Variants in LMO3 observed in about 807,000 individuals in gnomAD.
The protein encoded by LMO3 is LIM domain only protein 3.
A neutral mutation model predicts 15.8 loss-of-function variants in LMO3; 2 were observed. That is an observed-to-expected ratio of 0.13 (90% CI 0.05 to 0.40). The LOEUF (loss-of-function observed/expected upper bound fraction) is 0.40. Among genes scored for constraint, LMO3 ranks in the 10% least tolerant of loss-of-function variants. The pLI is 0.99. For missense variants in LMO3, 86 were observed against 182.2 expected, an observed-to-expected ratio of 0.47 and a Z score of 3.04; for synonymous variants, 62 against 63.8, an observed-to-expected ratio of 0.97 and a Z score of 0.13.
chr12:16,586,087 T>A lies in LMO3; in HGVS notation c.206+14568A>T, dbSNP rs1943310631. Among the ~76,000 whole-genome samples the A allele has an allele frequency of 6.6e-6, 1 of 152,016 alleles. No individual in the cohort carries two copies. The highest frequency in any genetic ancestry group is 2.4e-5 in the African/African-American group (1 of 41,404). ...ACCTTGATGTACAATTCCATAAAAA[T>A]TTTTGAGGGGCCAAAACAATAGGGG... On this transcript the variant is annotated intron_variant, in intron 2 of 3. Transcript: ENST00000537304. The surrounding 1 kb of genome is among the most constrained non-coding windows in gnomAD (Gnocchi z 4.3).
chr12:16,559,520 T>G lies in LMO3; in HGVS notation c.332+893A>C, dbSNP rs1311226393. ...CATATTAGAATTTAGGTTTCCAGGT[T>G]CCCTGTTCAACACTTTTTCAAATGC... On this transcript the variant is annotated intron_variant, in intron 3 of 3. Transcript: ENST00000537304. This position sits in a 1 kb window ranked among gnomAD's most constrained non-coding sequence, Gnocchi z 4.1. Among the ~76,000 whole-genome samples the G allele has an allele frequency of 6.6e-6, 1 of 152,200 alleles. No individual in the cohort carries two copies. The highest frequency in any genetic ancestry group is 6.5e-5 in the Admixed American group (1 of 15,276).
At chr12:16,553,779 A>T (rs12300297) in intron 3 of LMO3, among the ~76,000 whole-genome samples, 2,899 of 152,166 alleles carry the variant, frequency 0.019, 95 homozygotes, top group African/African-American at 0.066. Context: ...GTATGTATTT[A>T]ACAAATTAAT....
chr12:16,600,285 A>T (rs945820774), intron 2 of LMO3: 1 of 156,684 alleles, frequency 6.4e-6, no homozygotes, highest in Non-Finnish European at 1.3e-5. Flanking sequence ...ATTCCCCCTT[A>T]AGCTCCAAAA....
At chr12:16,594,249 A>G (rs1487968233) in intron 2 of LMO3, 1 of 1,529,434 alleles carries the variant, frequency 6.5e-7, no homozygotes, top group Non-Finnish European at 8.8e-7. Flanking sequence ...ATAGATCCAC[A>G]CCTCTTCAAA....
chr12:16,564,695 T>G (rs1942528529), intron 2 of LMO3, among the ~76,000 whole-genome samples: 2 of 152,196 alleles, frequency 1.3e-5, no homozygotes, highest in South Asian at 4.1e-4. Flanking sequence ...TTGAGGAAAA[T>G]GCACAAATAT....
In LMO3 at chr12:16,559,106, A is replaced by C. The variant is rs1463291176; in HGVS notation, c.332+1307T>G. Among the ~76,000 whole-genome samples, 2 of 152,196 alleles carry C rather than the reference A, an allele frequency of 1.3e-5. No homozygotes were observed. Among genetic ancestry groups the C allele is most frequent in the African/African-American group, 4.8e-5 (2 of 41,456 alleles). On this transcript the variant is annotated intron_variant, in intron 3 of 3. Coordinates refer to ENST00000537304, the MANE Select transcript of LMO3 (RefSeq NM_018640.5). The surrounding 1 kb of genome is among the most constrained non-coding windows in gnomAD (Gnocchi z 4.1). The stretch of plus-strand genomic sequence containing the variant: ...CAAATAGTACCTTTCAGAGTAAATT[A>C]CAATAACTGAGAACTTGATGCAACT...
chr12:16,599,861 T>C lies in LMO3; in HGVS notation c.206+794A>G, dbSNP rs191741840. 5.9e-5 allele frequency: 9 copies of C among 152,286 alleles called. No individual in the cohort carries two copies. Among genetic ancestry groups the C allele is most frequent in the African/African-American group, 2.2e-4 (9 of 41,568 alleles). 9.4% of individuals were successfully genotyped at this position (152,286 alleles called of 1,614,324 possible). ...TGAAAGCATTCAGATGTTTACAGGT[T>C]GGAGAGTGGCTGTCATTTTCCTATA... On this transcript the variant is annotated intron_variant, in intron 2 of 3. Coordinates refer to ENST00000537304, the MANE Select transcript of LMO3 (RefSeq NM_018640.5). This position sits in a 1 kb window ranked among gnomAD's most constrained non-coding sequence, Gnocchi z 4.1.
chr12:16,566,602 GAC>G (rs1565488848), intron 2 of LMO3, among the ~76,000 whole-genome samples: 1 of 151,840 alleles, frequency 6.6e-6, no homozygotes, highest in African/African-American at 2.4e-5. Context: ...TTAAAGAAAA[GAC>G]ATTTTCTATT....
chr12:16,592,508 C>T (rs1049770926), intron 2 of LMO3, among the ~76,000 whole-genome samples: 1 of 151,912 alleles, frequency 6.6e-6, no homozygotes, highest in African/African-American at 2.4e-5. Flanking sequence ...CTGTAAAATG[C>T]AAATAACCTG....
intron 2 of LMO3, among the ~76,000 whole-genome samples, chr12:16,569,252 C>A (rs563551724): frequency 1.3e-5 from 2 of 152,300 alleles, no homozygotes; most frequent in East Asian, 3.9e-4. Context: ...GCAAGAGAAC[C>A]TATATCCCTT....
In LMO3 at chr12:16,605,434, C is replaced by T. The variant is rs1943956859; in HGVS notation, c.-9+632G>A. 1.6e-5 allele frequency: 12 copies of T among 764,688 alleles called. 1 individual carries two copies. In the South Asian group the frequency reaches 6.9e-4, roughly 44 times the overall value. 47.4% of individuals were successfully genotyped at this position (764,688 alleles called of 1,614,324 possible). On this transcript the variant is annotated intron_variant, in intron 1 of 3. Coordinates refer to ENST00000537304, the MANE Select transcript of LMO3 (RefSeq NM_018640.5). ...TCTAGCCACTTCTGCCCCTACCCGC[C>T]TGCCCCCCCCCCCCGCCCCCATGCC...
chr12:16,588,600 T>C (rs976341539), intron 2 of LMO3, among the ~76,000 whole-genome samples: 3 of 152,044 alleles, frequency 2.0e-5, no homozygotes, highest in Non-Finnish European at 4.4e-5. Flanking sequence ...AGATCCAAAT[T>C]CATCCTAATT....
In LMO3 at chr12:16,587,331, T is replaced by C. The variant is rs1943350722; in HGVS notation, c.206+13324A>G. ...TGCAGTGTTACAGCTTTCTAAATGG[T>C]AAGTAACTGTTTAAAAATTCCAAAG... On this transcript the variant is annotated intron_variant, in intron 2 of 3. Transcript: ENST00000537304. The surrounding 1 kb of genome is among the most constrained non-coding windows in gnomAD (Gnocchi z 4.3). 6.6e-6 allele frequency among the ~76,000 whole-genome samples: 1 copy of C among 152,220 alleles called. No homozygotes were observed. The highest frequency in any genetic ancestry group is 2.4e-5 in the African/African-American group (1 of 41,462).
rs777365034 is a variant in LMO3 at position 16,560,658 on chromosome 12, C to G, written c.207-120G>C. ...AATACACAATGCTTTATGATGTACA[C>G]AAGTGGATTTTATCCTAGGTGTATG... On this transcript the variant is annotated intron_variant, in intron 2 of 3. Coordinates refer to ENST00000537304, the MANE Select transcript of LMO3 (RefSeq NM_018640.5). The surrounding 1 kb of genome is among the most constrained non-coding windows in gnomAD (Gnocchi z 5.0). The G allele has an allele frequency of 2.7e-5, 24 of 879,060 alleles. No individual in the cohort carries two copies. In the Middle Eastern group the frequency reaches 9.2e-4, roughly 34 times the overall value. The allele number at this position is 879,060 out of a possible 1,614,324, so 54.5% of individuals were successfully genotyped here. A position where few individuals can be genotyped will look rare whatever the true frequency, so the allele number is the denominator to read the frequency against.
rs995298835 is a variant in LMO3 at position 16,599,005 on chromosome 12, A to T, written c.206+1650T>A. 7.8e-6 allele frequency: 2 copies of T among 257,474 alleles called. No individual in the cohort carries two copies. The highest frequency in any genetic ancestry group is 1.6e-5 in the Non-Finnish European group (2 of 127,322). 15.9% of individuals were successfully genotyped at this position (257,474 alleles called of 1,614,324 possible). On this transcript the variant is annotated intron_variant, in intron 2 of 3. Coordinates refer to ENST00000537304, the MANE Select transcript of LMO3 (RefSeq NM_018640.5). The surrounding 1 kb of genome is among the most constrained non-coding windows in gnomAD (Gnocchi z 4.1). The stretch of plus-strand genomic sequence containing the variant: ...ACAAATGTAAAAGTCAAAAGGAGTC[A>T]AAAAGCTATGACTATTGGTTAGTAC...
At chr12:16,561,279 C>A (rs886596994) in intron 2 of LMO3, among the ~76,000 whole-genome samples, 1 of 152,068 alleles carries the variant, frequency 6.6e-6, no homozygotes, top group East Asian at 1.9e-4. Context: ...CATTTCATAA[C>A]GTGAGGAAAT....
chr12:16,551,114 A>AT lies in LMO3; in HGVS notation c.*107dup, dbSNP rs1255152609. 14 of 717,268 alleles carry AT rather than the reference A, an allele frequency of 2.0e-5. No individual in the cohort carries two copies. Among genetic ancestry groups the AT allele is most frequent in the Non-Finnish European group, 3.0e-5 (12 of 405,982 alleles). 44.4% of individuals were successfully genotyped at this position (717,268 alleles called of 1,614,324 possible). ...TTCCATATAACCATCCTGCCTTCCT[A>AT]TATCTACGCTATTCAGTAGGTTCCT... On this transcript the variant is annotated 3_prime_UTR_variant, in exon 4 of 4. Coordinates refer to ENST00000537304, the MANE Select transcript of LMO3 (RefSeq NM_018640.5).
At position 16,598,410 on chromosome 12, in the gene LMO3, G is replaced by C. The variant is rs1943722192; in HGVS notation, c.206+2245C>G. On this transcript the variant is annotated intron_variant, in intron 2 of 3. Transcript: ENST00000537304. The surrounding 1 kb of genome is among the most constrained non-coding windows in gnomAD (Gnocchi z 4.3). ...AGTTTGAAATGTTAACAACCGTTAG[G>C]CTGTTAACATAACAACTGGCCATTA... The C allele has an allele frequency of 6.6e-6, 1 of 152,028 alleles. No homozygotes were observed. The highest frequency in any genetic ancestry group is 2.4e-5 in the African/African-American group (1 of 41,408). The allele number at this position is 152,028 out of a possible 1,614,324, so 9.4% of individuals were successfully genotyped here.
chr12:16,602,992 G>GAAAAAA, intron 1 of LMO3, among the ~76,000 whole-genome samples: 1 of 143,530 alleles, frequency 7.0e-6, no homozygotes. Flanking sequence ...ATGAAAAATC[G>GAAAAAA]AAAAAAAAAA....
Sources: gnomAD v4.1 joint callset for allele counts (sites outside exome capture counted in the v4.1 genomes callset) on GRCh38, gnomAD v4.1.1 for gene constraint, Gnocchi (gnomAD v3.1) non-coding constraint, MANE v1.5 for transcripts, NCBI Gene and HGNC (gene_info 2026-07-23, HGNC 2026-07-21) for gene names.